Variants in GOLM2 observed in about 807,000 individuals in gnomAD.
GOLM2 encodes the protein golgi membrane protein 2.
A neutral mutation model predicts 55.9 loss-of-function variants in GOLM2; 26 were observed. The ratio of observed to expected loss-of-function variants is 0.47; its 90% CI spans 0.34 to 0.65. GOLM2 has a LOEUF of 0.65. Ranked by LOEUF, GOLM2 falls within the 30% of genes least tolerant of loss-of-function variation. GOLM2 has a pLI of 0.01. For synonymous variants in GOLM2, 165 were observed against 194.6 expected (o/e 0.85, Z 1.27); for missense variants, 486 against 531.8 (o/e 0.91, Z 0.85).
At chr15:44,361,945 C>G (rs1010188218) in intron 6 of GOLM2, among the ~76,000 whole-genome samples, 15 of 152,184 alleles carry the variant, frequency 9.9e-5, no homozygotes, top group Admixed American at 7.2e-4. Flanking sequence ...ACAAAAACCA[C>G]GTGATTATCT....
At chr15:44,345,741 C>G (rs188477334) in intron 6 of GOLM2, 2 of 152,160 alleles carry the variant, frequency 1.3e-5, no homozygotes. Context: ...TTGGGGGAAA[C>G]CCTCTATAGG....
intron 6 of GOLM2, among the ~76,000 whole-genome samples, chr15:44,352,732 C>A (rs996827618): frequency 1.3e-5 from 2 of 151,894 alleles, no homozygotes; most frequent in Non-Finnish European, 1.5e-5. Flanking sequence ...ATGGTGAAAC[C>A]CCGTCTCTAC....
intron 8 of GOLM2, among the ~76,000 whole-genome samples, chr15:44,392,252 A>G (rs1475982745): frequency 1.3e-5 from 2 of 152,206 alleles, no homozygotes; most frequent in Non-Finnish European, 2.9e-5. Flanking sequence ...TGAGACCAGC[A>G]TAAGTTGGAC....
chr15:44,400,405 G>A lies in GOLM2; in HGVS notation c.1073-2482G>A, dbSNP rs185394146. Among the ~76,000 whole-genome samples, 669 of 150,872 alleles carry A rather than the reference G, an allele frequency of 4.4e-3. 4 individuals are homozygous for A. Among genetic ancestry groups the A allele is most frequent in the African/African-American group, 0.015 (637 of 41,122 alleles). ...GCAATCTCAGTGAGCCGCAACCTCC[G>A]CCTCCCGGGTTCCAGTGATTCTCCT... On this transcript the variant is annotated intron_variant, in intron 8 of 9. Transcript: ENST00000299957.
intron 4 of GOLM2, among the ~76,000 whole-genome samples, chr15:44,337,303 G>T (rs1192369100): frequency 6.6e-6 from 1 of 151,980 alleles, no homozygotes; most frequent in Non-Finnish European, 1.5e-5. Context: ...CACTTAGGAA[G>T]AAGATTGCCT....
In GOLM2 at chr15:44,363,959, C is replaced by T. The variant is rs542090816; in HGVS notation, c.803-15731C>T. ...ATCGCAAGAACAAAAAACCAAACAC[C>T]GCATATTCTCACTCATAGGTGGGAA... On this transcript the variant is annotated intron_variant, in intron 6 of 9. Coordinates refer to ENST00000299957, the MANE Select transcript of GOLM2 (RefSeq NM_138423.4). 1.3e-4 allele frequency among the ~76,000 whole-genome samples: 20 copies of T among 151,482 alleles called. 1 individual carries two copies. Among genetic ancestry groups the T allele is most frequent in the African/African-American group, 3.9e-4 (16 of 41,266 alleles).
chr15:44,345,001 C>T (rs936497302), intron 6 of GOLM2, among the ~76,000 whole-genome samples: 11 of 150,438 alleles, frequency 7.3e-5, no homozygotes, highest in African/African-American at 2.2e-4. Context: ...TTAATACAGA[C>T]GGGGTTTCAC....
In GOLM2 at chr15:44,380,837, T is replaced by C; in HGVS notation, c.933T>C (p.Gly311=). ...DSHINHNGNP[G]TSKQNPSSPL... ...ACATAAACCACAATGGAAACCCCGG[T>C]ACTTCAAAACAGAATCCTTCCAGTC... is the stretch of plus-strand genomic sequence containing the variant. The change falls in exon 8 of 10, where the codon GGT becomes GGC. Residue 311 remains glycine, a synonymous_variant. Transcript: ENST00000299957. 6.3e-7 allele frequency: 1 copy of C among 1,577,896 alleles called. No homozygotes were observed. Among genetic ancestry groups the C allele is most frequent in the Non-Finnish European group, 8.6e-7 (1 of 1,162,272 alleles).
At chr15:44,296,098 A>G (rs947175487) in intron 1 of GOLM2, among the ~76,000 whole-genome samples, 1 of 152,182 alleles carries the variant, frequency 6.6e-6, no homozygotes, top group African/African-American at 2.4e-5. Context: ...AGAATGCAGT[A>G]GCTATTCATA....
intron 6 of GOLM2, among the ~76,000 whole-genome samples, chr15:44,374,460 G>A (rs1172212006): frequency 6.6e-6 from 1 of 151,932 alleles, no homozygotes; most frequent in East Asian, 1.9e-4. Context: ...ACCAGCCTGG[G>A]CAATATAGTG....
At chr15:44,365,585 G>C (rs1252779314) in intron 6 of GOLM2, among the ~76,000 whole-genome samples, 2 of 152,024 alleles carry the variant, frequency 1.3e-5, no homozygotes, top group African/African-American at 4.8e-5. Context: ...ATCTGAAAAG[G>C]CTACATACTG....
In GOLM2 at chr15:44,414,370, A is replaced by G. The variant is rs2079659545; in HGVS notation, c.*964A>G. On this transcript the variant is annotated 3_prime_UTR_variant, in exon 10 of 10. Transcript: ENST00000299957. ...ATGGAAATTGAGATAACCTGCAAAG[A>G]CATAACAGTATTTATGAGTTATATC... 1 of 152,364 alleles carries G rather than the reference A, an allele frequency of 6.6e-6. No individual in the cohort carries two copies. Among genetic ancestry groups the G allele is most frequent in the East Asian group, 1.9e-4 (1 of 5,194 alleles). The allele number at this position is 152,364 out of a possible 1,614,324, so 9.4% of individuals were successfully genotyped here. A position where few individuals can be genotyped will look rare whatever the true frequency, so the allele number is the denominator to read the frequency against.
At position 44,289,122 on chromosome 15, in the gene GOLM2, C is replaced by T; in HGVS notation, c.93C>T (p.Asn31=). ...LLVVIVVLAF[N]YWSISSRHVL... is the part of the protein sequence containing the mutation. Reference sequence around the variant, plus strand: ...TGGTGATCGTCGTCCTCGCCTTCAACTACTGGAGCATCTCCTCCCGCCACG... The same window carrying T: ...TGGTGATCGTCGTCCTCGCCTTCAATTACTGGAGCATCTCCTCCCGCCACG... The change falls in exon 1 of 10, where the codon AAC becomes AAT. Residue 31 remains asparagine (N), a synonymous_variant. Coordinates refer to ENST00000299957, the MANE Select transcript of GOLM2 (RefSeq NM_138423.4). The surrounding 1 kb of genome is among the most constrained non-coding windows in gnomAD (Gnocchi z 4.8). 6.2e-7 allele frequency: 1 copy of T among 1,614,186 alleles called. No individual in the cohort carries two copies. The highest frequency in any genetic ancestry group is 8.5e-7 in the Non-Finnish European group (1 of 1,180,024).
chr15:44,368,273 G>A, intron 6 of GOLM2, among the ~76,000 whole-genome samples: 1 of 150,506 alleles, frequency 6.6e-6, no homozygotes, highest in South Asian at 2.1e-4. Flanking sequence ...AAGTAGCTGG[G>A]ATTACAGGCA....
At position 44,335,680 on chromosome 15, in the gene GOLM2, A is replaced by G. The variant is rs1404945095; in HGVS notation, c.577-2083A>G. On this transcript the variant is annotated intron_variant, in intron 4 of 9. Coordinates refer to ENST00000299957, the MANE Select transcript of GOLM2 (RefSeq NM_138423.4). ...AAAATTTCAGTTTATCATTTCATTCATCAATGATTAAACTATCAGAATTGA... is the reference window on the plus strand; with the variant it reads ...AAAATTTCAGTTTATCATTTCATTCGTCAATGATTAAACTATCAGAATTGA... Among the ~76,000 whole-genome samples the G allele has an allele frequency of 2.6e-5, 4 of 152,180 alleles. No individual in the cohort carries two copies. The East Asian group carries it at 5.8e-4, about 22-fold the overall frequency.
At chr15:44,341,519 T>A (rs1227572518) in intron 6 of GOLM2, among the ~76,000 whole-genome samples, 1 of 152,178 alleles carries the variant, frequency 6.6e-6, no homozygotes, top group Admixed American at 6.5e-5. Flanking sequence ...GAAATGGGAA[T>A]ACAAGAGATC....
At position 44,314,559 on chromosome 15, in the gene GOLM2, CAA is replaced by C. The variant is rs371029849; in HGVS notation, c.328-8391_328-8390del. ...GGGCAATAAGAGTGAAACTCCATCT[CAA>C]AAAAAAAAAAAAAATGTAACTGATA... On this transcript the variant is annotated intron_variant, in intron 1 of 9. Coordinates refer to ENST00000299957, the MANE Select transcript of GOLM2 (RefSeq NM_138423.4). 2.2e-4 allele frequency among the ~76,000 whole-genome samples: 17 copies of C among 75,736 alleles called. No individual in the cohort carries two copies. The East Asian group carries it at 3.7e-3, about 17-fold the overall frequency. The allele number at this position is 75,736 out of a possible 152,430, so 49.7% of individuals were successfully genotyped here. A position where few individuals can be genotyped will look rare whatever the true frequency, so the allele number is the denominator to read the frequency against.
chr15:44,309,680 T>C (rs1279874811), intron 1 of GOLM2, among the ~76,000 whole-genome samples: 5 of 152,236 alleles, frequency 3.3e-5, no homozygotes, highest in Admixed American at 3.3e-4. Context: ...GCCCTTACCA[T>C]GTGCCAGCCA....
intron 1 of GOLM2, among the ~76,000 whole-genome samples, chr15:44,304,091 C>G (rs1161526468): frequency 6.6e-6 from 1 of 151,668 alleles, no homozygotes; most frequent in Non-Finnish European, 1.5e-5. Flanking sequence ...CAGGGCTGGT[C>G]TTGAACTCCT....
Sources: allele counts gnomAD v4.1 joint callset (sites outside exome capture counted in the v4.1 genomes callset), GRCh38; gene constraint gnomAD v4.1.1; non-coding constraint Gnocchi (gnomAD v3.1); transcripts MANE v1.5; gene names NCBI Gene and HGNC (gene_info 2026-07-23, HGNC 2026-07-21).